The following FYCO1 variants were observed in gnomAD, a reference collection of about 807,000 sequenced individuals.
FYCO1 encodes the protein FYVE and coiled-coil domain autophagy adaptor 1, also known as FYVE and coiled-coil domain-containing protein 1.
A neutral mutation model predicts 165.1 loss-of-function variants in FYCO1; 122 were observed. The ratio of observed to expected loss-of-function variants is 0.74; its 90% CI spans 0.64 to 0.86. The LOEUF is 0.86. Ranked by LOEUF, FYCO1 falls within the 40% of genes least tolerant of loss-of-function variation. The pLI is 0.00. For missense variants in FYCO1, 1,702 were observed against 1,810.3 expected (o/e 0.94, Z 1.09); for synonymous variants, 648 against 742.5 (o/e 0.87, Z 2.07).
chr3:45,923,566 A>T, intron 17 of FYCO1, 90 bp downstream of exon 17: 2 of 820,622 alleles, frequency 2.4e-6, no homozygotes, highest in East Asian at 4.8e-5. Flanking sequence ...GTTACTGACA[A>T]ATAATTGGTT....
chr3:45,940,628 G>A (rs1376392506), intron 14 of FYCO1, among the ~76,000 whole-genome samples: 2 of 152,094 alleles, frequency 1.3e-5, no homozygotes, highest in East Asian at 1.9e-4. Context: ...AGGGCCGGAT[G>A]GGGCACTTGG....
intron 15 of FYCO1, among the ~76,000 whole-genome samples, chr3:45,934,445 A>G (rs1703784193): frequency 6.6e-6 from 1 of 152,250 alleles, no homozygotes; most frequent in Non-Finnish European, 1.5e-5. Flanking sequence ...ATGCCAGGGG[A>G]TTTCTCATCT....
chr3:45,986,250 A>G (rs559919051), intron 1 of FYCO1, among the ~76,000 whole-genome samples: 1 of 152,326 alleles, frequency 6.6e-6, no homozygotes, highest in South Asian at 2.1e-4. Context: ...TCACTACAGC[A>G]AATGACCAAC....
At chr3:45,929,190 G>A (rs1703471680) in intron 16 of FYCO1, among the ~76,000 whole-genome samples, 1 of 152,264 alleles carries the variant, frequency 6.6e-6, no homozygotes, top group South Asian at 2.1e-4. Context: ...AGTGGCCTGT[G>A]AAGGCAGAGG....
intron 14 of FYCO1, chr3:45,947,340 C>T (rs139181143): frequency 2.5e-6 from 4 of 1,614,094 alleles, no homozygotes; most frequent in Non-Finnish European, 3.4e-6. Flanking sequence ...TAACCCTGTG[C>T]TCTATGCCTT....
chr3:45,960,370 TCCCAATCAA>T (rs1053057479), intron 11 of FYCO1, among the ~76,000 whole-genome samples: 1 of 152,188 alleles, frequency 6.6e-6, no homozygotes, highest in African/African-American at 2.4e-5. Context: ...GACCAGGAAC[TCCCAATCAA>T]CCCCAGATCT....
intron 11 of FYCO1, among the ~76,000 whole-genome samples, chr3:45,960,842 A>G (rs750149913): frequency 1.3e-4 from 20 of 152,168 alleles, no homozygotes; most frequent in Non-Finnish European, 2.8e-4. Context: ...AGCTGCCAGT[A>G]GAATGATGGT....
At chr3:45,994,263 C>T (rs936985444) in intron 1 of FYCO1, among the ~76,000 whole-genome samples, 20 of 151,088 alleles carry the variant, frequency 1.3e-4, no homozygotes, top group Non-Finnish European at 2.9e-5. Context: ...ATTGAGTATA[C>T]GGATATTCAC....
intron 6 of FYCO1, 52 bp from the exon 7 acceptor site, chr3:45,969,817 C>T (rs763848423): frequency 6.7e-7 from 1 of 1,493,208 alleles, no homozygotes; most frequent in South Asian, 1.1e-5. Flanking sequence ...AAACCTAACA[C>T]ATGGAGGCCT....
At chr3:45,944,790 G>T (rs891194973) in intron 14 of FYCO1, among the ~76,000 whole-genome samples, 1 of 152,190 alleles carries the variant, frequency 6.6e-6, no homozygotes, top group Non-Finnish European at 1.5e-5. Flanking sequence ...AAAAAAAGGC[G>T]AGAGCGAGTC....
intron 14 of FYCO1, among the ~76,000 whole-genome samples, chr3:45,952,503 A>C (rs1705090910): frequency 6.6e-6 from 1 of 152,204 alleles, no homozygotes; most frequent in Non-Finnish European, 1.5e-5. Context: ...CTGACTTGGA[A>C]GGGTGGCTCT....
rs1398968468 is a variant in FYCO1, at chr3:45,966,648, C to T, written c.2686G>A (p.Glu896Lys). The T allele has an allele frequency of 1.9e-6, 3 of 1,614,026 alleles. No individual in the cohort carries two copies. The highest frequency in any genetic ancestry group is 1.7e-5 in the Admixed American group (1 of 60,014). ...TCTGTGTTGGCCCGGTGCAGCTGCT[C>T]TTGCAGCTCAGCGTGCTCCAGCTGT... ...EAQLEHAELQ[E>K]QLHRANTDTA... Residue 896 changes from glutamate to lysine, a missense_variant, in exon 8 of 18, where the codon GAG becomes AAG. By Grantham distance (56) the Glu-to-Lys change is moderately conservative (BLOSUM62 1). Transcript: ENST00000296137.
At chr3:45,956,696 G>A (rs549825737) in intron 13 of FYCO1, among the ~76,000 whole-genome samples, 44 of 152,312 alleles carry the variant, frequency 2.9e-4, no homozygotes, top group Admixed American at 1.8e-3. Flanking sequence ...CTGGCAGAGG[G>A]AAGGGAAAGC....
chr3:45,955,490 G>T, intron 13 of FYCO1, 97 bp from the exon 14 acceptor site: 1 of 1,331,612 alleles, frequency 7.5e-7, no homozygotes, highest in Non-Finnish European at 1.1e-6. Context: ...GTGCAGCTAT[G>T]CAGAACAAGC....
intron 15 of FYCO1, among the ~76,000 whole-genome samples, chr3:45,935,368 C>T (rs989722560): frequency 2.6e-5 from 4 of 152,204 alleles, no homozygotes; most frequent in Non-Finnish European, 5.9e-5. Flanking sequence ...GTCCCATTTC[C>T]CTCAGATTCA....
At chr3:45,956,187 T>G (rs1705305218) in intron 13 of FYCO1, among the ~76,000 whole-genome samples, 1 of 151,852 alleles carries the variant, frequency 6.6e-6, no homozygotes, top group Admixed American at 6.6e-5. Flanking sequence ...AATATAAAAA[T>G]TAGCCAGGTG....
intron 16 of FYCO1, among the ~76,000 whole-genome samples, chr3:45,928,877 T>A (rs560147372): frequency 2.9e-4 from 44 of 152,316 alleles, no homozygotes; most frequent in African/African-American, 1.1e-3. Context: ...TCCCATGTTA[T>A]CCCTTCATCT....
intron 14 of FYCO1, among the ~76,000 whole-genome samples, chr3:45,942,176 C>T (rs532716201): frequency 6.6e-6 from 1 of 152,378 alleles, no homozygotes; most frequent in South Asian, 2.1e-4. Context: ...CCTGGCACAG[C>T]TCCATACTCA....
intron 6 of FYCO1, among the ~76,000 whole-genome samples, chr3:45,972,083 G>A (rs1198883537): frequency 3.9e-5 from 6 of 152,232 alleles, no homozygotes; most frequent in Non-Finnish European, 2.9e-5. Context: ...GAATCAGGGT[G>A]AAGGATAGAT....
Sources: allele counts gnomAD v4.1 joint callset (sites outside exome capture counted in the v4.1 genomes callset), GRCh38; gene constraint gnomAD v4.1.1; transcripts MANE v1.5; gene names NCBI Gene and HGNC (gene_info 2026-07-23, HGNC 2026-07-21).